NRXN3: variants seen among roughly 807,000 people sequenced by gnomAD.
NRXN3 encodes the protein neurexin III.
Under a neutral mutation model 137.6 loss-of-function variants are expected in NRXN3, and 32 were observed. The ratio of observed to expected loss-of-function variants is 0.23; its 90% CI spans 0.18 to 0.31. The LOEUF (loss-of-function observed/expected upper bound fraction) is 0.31, where lower values mean the gene tolerates loss of function less well. Ranked by LOEUF, NRXN3 falls within the 10% of genes least tolerant of loss-of-function variation. NRXN3 has a pLI of 1.00. For synonymous variants in NRXN3, 798 were observed against 784.5 expected (o/e 1.02, Z -0.29); for missense variants, 1,574 against 2,062.5 (o/e 0.76, Z 4.59).
chr14:79,527,852 C>G (rs1370817926), intron 16 of NRXN3, among the ~76,000 whole-genome samples: 3 of 126,322 alleles, frequency 2.4e-5, no homozygotes, highest in Non-Finnish European at 3.2e-5. Context: ...GCCTGGGCGA[C>G]AGAATGAGAC....
chr14:79,837,354 G>C (rs1158983193), intron 20 of NRXN3, among the ~76,000 whole-genome samples: 2 of 152,012 alleles, frequency 1.3e-5, no homozygotes. Flanking sequence ...ATGGGGCACA[G>C]AGACTAAGTC....
intron 8 of NRXN3, among the ~76,000 whole-genome samples, chr14:78,742,380 A>G (rs1278369829): frequency 6.6e-6 from 1 of 152,216 alleles, no homozygotes; most frequent in Non-Finnish European, 1.5e-5. Context: ...TAAGCCCTAA[A>G]TAATAATAAT....
intron 4 of NRXN3, among the ~76,000 whole-genome samples, chr14:78,396,583 A>G (rs1260946660): frequency 1.3e-5 from 2 of 152,192 alleles, no homozygotes; most frequent in Admixed American, 6.6e-5. Flanking sequence ...TTCCTGAAGG[A>G]CATTTTCACA....
At chr14:79,052,255 C>A (rs1388979592) in intron 15 of NRXN3, among the ~76,000 whole-genome samples, 2 of 152,088 alleles carry the variant, frequency 1.3e-5, no homozygotes, top group East Asian at 1.9e-4. Context: ...TCATCAGAAT[C>A]ATGAAAAATG....
At chr14:78,219,433 C>G (rs185848500) in intron 1 of NRXN3, among the ~76,000 whole-genome samples, 1 of 152,202 alleles carries the variant, frequency 6.6e-6, no homozygotes, top group East Asian at 1.9e-4. Context: ...ACCATGTAGC[C>G]CAAGTCCAAA....
chr14:78,715,936 C>T (rs1362426617), intron 8 of NRXN3, among the ~76,000 whole-genome samples: 1 of 152,136 alleles, frequency 6.6e-6, no homozygotes, highest in Non-Finnish European at 1.5e-5. Context: ...ACATACCATA[C>T]AGGTTCACTG....
At chr14:79,426,850 C>G (rs2095661621) in intron 15 of NRXN3, among the ~76,000 whole-genome samples, 2 of 152,172 alleles carry the variant, frequency 1.3e-5, no homozygotes, top group South Asian at 4.1e-4. Context: ...ATAAAATATC[C>G]TTACTCTATA....
At chr14:79,239,167 T>G (rs147088919) in intron 15 of NRXN3, among the ~76,000 whole-genome samples, 2,652 of 152,220 alleles carry the variant, frequency 0.017, 87 homozygotes, top group African/African-American at 0.061. Flanking sequence ...TAACTAATAA[T>G]AAAATGGAAA....
chr14:78,658,841 C>G (rs2097807733), intron 6 of NRXN3, among the ~76,000 whole-genome samples: 1 of 152,020 alleles, frequency 6.6e-6, no homozygotes, highest in Non-Finnish European at 1.5e-5. Flanking sequence ...ATGGGAGAAC[C>G]AACACAAAAG....
chr14:78,714,691 G>A, intron 7 of NRXN3, 65 bp from the exon 8 acceptor site: 2 of 1,568,436 alleles, frequency 1.3e-6, no homozygotes, highest in Non-Finnish European at 1.7e-6. Flanking sequence ...GCACTCACCT[G>A]TTAGGTTTCT....
In NRXN3 at chr14:79,269,142, C is replaced by T. The variant is rs370909442; in HGVS notation, c.3263-198079C>T. On this transcript the variant is annotated intron_variant, in intron 15 of 20. Coordinates refer to ENST00000335750, the MANE Select transcript of NRXN3 (RefSeq NM_001330195.2). ...TCGGCTCACTGCAAGCTCCGCCTCCCGGGTTCACGCCATTCTCCTGCCTCA... is the reference window on the plus strand; with the variant it reads ...TCGGCTCACTGCAAGCTCCGCCTCCTGGGTTCACGCCATTCTCCTGCCTCA... Among the ~76,000 whole-genome samples the T allele has an allele frequency of 5.6e-3, 847 of 152,242 alleles. 8 individuals carry two copies. Among genetic ancestry groups the T allele is most frequent in the Admixed American group, 8.6e-3 (132 of 15,298 alleles).
At chr14:78,623,235 T>A (rs2097423091) in intron 4 of NRXN3, among the ~76,000 whole-genome samples, 1 of 152,242 alleles carries the variant, frequency 6.6e-6, no homozygotes, top group Non-Finnish European at 1.5e-5. Flanking sequence ...TCAGATTTCA[T>A]GAGAGTTTAG....
chr14:79,480,360 A>G (rs573894983), intron 16 of NRXN3, among the ~76,000 whole-genome samples: 1 of 152,304 alleles, frequency 6.6e-6, no homozygotes, highest in South Asian at 2.1e-4. Flanking sequence ...ATTCAATACT[A>G]GAGCGTGAAA....
At position 78,663,647 on chromosome 14, in the gene NRXN3, A is replaced by G. The variant is rs565523425; in HGVS notation, c.1221+12321A>G. 6.6e-5 allele frequency among the ~76,000 whole-genome samples: 10 copies of G among 152,288 alleles called. No homozygotes were observed. In the East Asian group the frequency reaches 1.9e-3, roughly 29 times the overall value. ...AACACCCAAATAAGGAGCAGCTACTATTTAGACTTATTATGAATTTTCAGT... is the reference window on the plus strand; with the variant it reads ...AACACCCAAATAAGGAGCAGCTACTGTTTAGACTTATTATGAATTTTCAGT... On this transcript the variant is annotated intron_variant, in intron 6 of 20. Coordinates refer to ENST00000335750, the MANE Select transcript of NRXN3 (RefSeq NM_001330195.2).
At chr14:79,358,572 AAAGAAAGAAAGAGAGAAAGAAAG>A (rs1566901474) in intron 15 of NRXN3, among the ~76,000 whole-genome samples, 8 of 137,872 alleles carry the variant, frequency 5.8e-5, no homozygotes, top group East Asian at 2.1e-4. Context: ...AAAAAAAAAA[AAAGAAAGAAAGAGAGAAAGAAAG>A]AAAGAAAGAA....
intron 14 of NRXN3, among the ~76,000 whole-genome samples, chr14:78,975,133 A>G (rs2099460156): frequency 6.6e-6 from 1 of 152,220 alleles, no homozygotes; most frequent in African/African-American, 2.4e-5. Context: ...TGCAGATGAG[A>G]TGCAGTCTCT....
chr14:78,177,985 A>G (rs1176717220), intron 1 of NRXN3: 2 of 152,262 alleles, frequency 1.3e-5, no homozygotes, highest in Non-Finnish European at 1.5e-5. Context: ...GCCAGATACT[A>G]TGCTAAGCAC....
intron 4 of NRXN3, among the ~76,000 whole-genome samples, chr14:78,458,943 C>A (rs2094836786): frequency 6.6e-6 from 1 of 152,208 alleles, no homozygotes; most frequent in Admixed American, 6.5e-5. Flanking sequence ...TCTGAGACTC[C>A]TTCCAACTCT....
intron 16 of NRXN3, among the ~76,000 whole-genome samples, chr14:79,577,447 C>T (rs2097675892): frequency 6.6e-6 from 1 of 152,052 alleles, no homozygotes; most frequent in Admixed American, 6.6e-5. Flanking sequence ...AGTTTTGCTG[C>T]ATCATTTTTT....
Sources: gnomAD v4.1 joint callset for allele counts (sites outside exome capture counted in the v4.1 genomes callset) on GRCh38, gnomAD v4.1.1 for gene constraint, MANE v1.5 for transcripts, NCBI Gene and HGNC (gene_info 2026-07-23, HGNC 2026-07-21) for gene names.